TNFRSF10A: variants seen among roughly 807,000 people sequenced by gnomAD.
TNFRSF10A encodes TNF receptor superfamily member 10a, also known as tumor necrosis factor receptor superfamily member 10A.
TNFRSF10A carries 44 observed loss-of-function variants against 42.8 expected under a neutral mutation model. The observed-to-expected ratio is 1.03, with a 90% CI of 0.81 to 1.32. The LOEUF (loss-of-function observed/expected upper bound fraction) is 1.32, where lower values mean the gene tolerates loss of function less well. Ranked by LOEUF, TNFRSF10A falls within the 40% of genes most tolerant of loss-of-function variation. TNFRSF10A has a pLI of 0.00. For synonymous variants in TNFRSF10A, 259 were observed against 234.2 expected (o/e 1.11, Z -0.97); for missense variants, 680 against 602.0 (o/e 1.13, Z -1.36).
At chr8:23,203,242 A>G (rs572282477) in intron 2 of TNFRSF10A, among the ~76,000 whole-genome samples, 1 of 152,318 alleles carries the variant, frequency 6.6e-6, no homozygotes, top group South Asian at 2.1e-4. Flanking sequence ...TGCCACCTGC[A>G]TCCCTGGAAA....
intron 9 of TNFRSF10A, 65 bp downstream of exon 9, chr8:23,197,067 C>T: frequency 6.2e-7 from 1 of 1,605,708 alleles, no homozygotes; most frequent in Non-Finnish European, 8.5e-7. Flanking sequence ...GCAATGGGGA[C>T]ACCAGTTAGG....
At position 23,190,841 on chromosome 8, in the gene TNFRSF10A, A is replaced by T. The variant is rs1800743982; in HGVS notation, c.*853T>A. The T allele has an allele frequency of 6.6e-6, 1 of 152,212 alleles. No homozygotes were observed. The highest frequency in any genetic ancestry group is 1.5e-5 in the Non-Finnish European group (1 of 68,080). 9.4% of individuals were successfully genotyped at this position (152,212 alleles called of 1,614,324 possible). ...AGCCCAAAAACCTAAGACCCAGGGA[A>T]GCCGATGGTGTAATTCTTAGTTCAA... On this transcript the variant is annotated 3_prime_UTR_variant, in exon 10 of 10. Transcript: ENST00000221132.
chr8:23,212,339 A>C, intron 1 of TNFRSF10A, 127 bp from the exon 2 acceptor site: 1 of 774,652 alleles, frequency 1.3e-6, no homozygotes, highest in South Asian at 1.5e-5. Flanking sequence ...CCCAGTTCTA[A>C]AACTCAACCA....
chr8:23,200,220 A>G (rs543529643), intron 6 of TNFRSF10A, among the ~76,000 whole-genome samples: 1 of 152,342 alleles, frequency 6.6e-6, no homozygotes, highest in South Asian at 2.1e-4. Context: ...CCAGTTGAGG[A>G]GCTGACTGCC....
chr8:23,190,993 C>CT lies in TNFRSF10A; in HGVS notation c.*700dup, dbSNP rs1363604822. The CT allele has an allele frequency of 2.6e-5, 4 of 152,146 alleles. No homozygotes were observed. Among genetic ancestry groups the CT allele is most frequent in the Admixed American group, 2.0e-4 (3 of 15,236 alleles). 9.4% of individuals were successfully genotyped at this position (152,146 alleles called of 1,614,324 possible). A position where few individuals can be genotyped will look rare whatever the true frequency, so the allele number is the denominator to read the frequency against. ...AGCTCCAGGAGATCAGATGGATTTG[C>CT]TTTTCCTTTTTTTTTTGTTTTCTTC... On this transcript the variant is annotated 3_prime_UTR_variant, in exon 10 of 10. Transcript: ENST00000221132.
intron 2 of TNFRSF10A, among the ~76,000 whole-genome samples, chr8:23,210,568 G>A (rs1007059488): frequency 2.0e-5 from 3 of 152,176 alleles, no homozygotes; most frequent in African/African-American, 7.2e-5. Flanking sequence ...TGTAGTCCCT[G>A]CTACTTGGAA....
intron 4 of TNFRSF10A, among the ~76,000 whole-genome samples, chr8:23,201,009 T>C (rs532176586): frequency 3.9e-5 from 6 of 152,292 alleles, no homozygotes; most frequent in African/African-American, 1.4e-4. Context: ...CCTTCTGTGC[T>C]GGGCACACAC....
intron 1 of TNFRSF10A, 38 bp downstream of exon 1, chr8:23,224,718 C>T: frequency 6.5e-7 from 1 of 1,538,680 alleles, no homozygotes; most frequent in Non-Finnish European, 8.8e-7. Flanking sequence ...CGGTGCCAGG[C>T]GCGCTTTTCC....
At chr8:23,206,503 A>G (rs1801011107) in intron 2 of TNFRSF10A, among the ~76,000 whole-genome samples, 1 of 152,236 alleles carries the variant, frequency 6.6e-6, no homozygotes. Context: ...ATTGTGTTAC[A>G]ATTGTCTACT....
chr8:23,204,704 A>G (rs980381265), intron 2 of TNFRSF10A, among the ~76,000 whole-genome samples: 1 of 152,004 alleles, frequency 6.6e-6, no homozygotes, highest in Non-Finnish European at 1.5e-5. Flanking sequence ...TACAAAATAC[A>G]CTCTCCTACC....
chr8:23,206,630 T>G (rs191534977), intron 2 of TNFRSF10A, among the ~76,000 whole-genome samples: 1 of 152,312 alleles, frequency 6.6e-6, no homozygotes, highest in East Asian at 1.9e-4. Context: ...ATGATGCACT[T>G]GTCAGAATGA....
At chr8:23,198,717 A>T (rs1002696638) in intron 8 of TNFRSF10A, among the ~76,000 whole-genome samples, 1 of 152,098 alleles carries the variant, frequency 6.6e-6, no homozygotes, top group Non-Finnish European at 1.5e-5. Flanking sequence ...GTGTACCTGT[A>T]TGTGTGGGTA....
intron 1 of TNFRSF10A, among the ~76,000 whole-genome samples, chr8:23,216,597 C>T (rs963897676): frequency 2.0e-5 from 3 of 152,054 alleles, no homozygotes; most frequent in Admixed American, 6.5e-5. Context: ...CAAAAATGAG[C>T]CGGGCGTGCT....
chr8:23,209,662 C>A (rs114012903), intron 2 of TNFRSF10A, among the ~76,000 whole-genome samples: 1 of 152,164 alleles, frequency 6.6e-6, no homozygotes, highest in South Asian at 2.1e-4. Flanking sequence ...CCTTTGTTTT[C>A]GACAATGTCA....
At chr8:23,192,294 C>T (rs965282917) in intron 9 of TNFRSF10A, among the ~76,000 whole-genome samples, 11 of 152,176 alleles carry the variant, frequency 7.2e-5, no homozygotes, top group South Asian at 2.1e-4. Context: ...ATTGACCCTA[C>T]GGAGGCAGAA....
At chr8:23,223,175 C>T (rs1453779268) in intron 1 of TNFRSF10A, among the ~76,000 whole-genome samples, 1 of 152,250 alleles carries the variant, frequency 6.6e-6, no homozygotes, top group Non-Finnish European at 1.5e-5. Flanking sequence ...ACGCCATTCT[C>T]CCGCCTCAGC....
intron 1 of TNFRSF10A, among the ~76,000 whole-genome samples, chr8:23,215,440 G>A (rs908907709): frequency 3.3e-5 from 5 of 152,026 alleles, no homozygotes; most frequent in African/African-American, 1.2e-4. Flanking sequence ...CCCAGGAGGC[G>A]GAGGTTCCAG....
intron 1 of TNFRSF10A, among the ~76,000 whole-genome samples, chr8:23,219,073 C>T (rs13282630): frequency 0.41 from 62,687 of 151,566 alleles, 14,590 homozygotes; most frequent in Middle Eastern, 0.53. Flanking sequence ...ATCCCTGGAG[C>T]CGGCACAGCC....
chr8:23,205,902 G>T (rs1307727568), intron 2 of TNFRSF10A, among the ~76,000 whole-genome samples: 1 of 151,940 alleles, frequency 6.6e-6, no homozygotes, highest in African/African-American at 2.4e-5. Context: ...ATTTTTAGTA[G>T]AGACAGGGTT....
Sources: allele counts gnomAD v4.1 joint callset (sites outside exome capture counted in the v4.1 genomes callset), GRCh38; gene constraint gnomAD v4.1.1; transcripts MANE v1.5; gene names NCBI Gene and HGNC (gene_info 2026-07-23, HGNC 2026-07-21).